Variants in NOS1AP observed in about 807,000 individuals in gnomAD.
NOS1AP encodes the protein nitric oxide synthase 1 adaptor protein, also known as carboxyl-terminal PDZ ligand of neuronal nitric oxide synthase protein.
NOS1AP carries 21 observed loss-of-function variants against 56.2 expected under a neutral mutation model. The ratio of observed to expected loss-of-function variants is 0.37; its 90% confidence interval spans 0.26 to 0.54. NOS1AP has a LOEUF of 0.54. NOS1AP is among the 20% of genes least tolerant of loss of function. The pLI, the probability that NOS1AP is intolerant of heterozygous loss-of-function variation, is 0.84. For synonymous variants in NOS1AP, 270 were observed against 274.6 expected, an observed-to-expected ratio of 0.98 and a Z score of 0.17; for missense variants, 522 against 657.8, an observed-to-expected ratio of 0.79 and a Z score of 2.26.
intron 1 of NOS1AP, among the ~76,000 whole-genome samples, chr1:162,132,473 GA>G (rs1310392997): frequency 6.6e-6 from 1 of 152,096 alleles, no homozygotes; most frequent in Non-Finnish European, 1.5e-5. Flanking sequence ...ATAAAGTCAA[GA>G]AAAAAATACA....
At chr1:162,198,777 G>T (rs1023383436) in intron 2 of NOS1AP, among the ~76,000 whole-genome samples, 45 of 152,112 alleles carry the variant, frequency 3.0e-4, no homozygotes, top group Non-Finnish European at 7.4e-5. Flanking sequence ...GAATCAAACG[G>T]CAGACCAGGC....
chr1:162,306,675 A>C (rs946490650), intron 4 of NOS1AP, among the ~76,000 whole-genome samples: 1 of 152,194 alleles, frequency 6.6e-6, no homozygotes, highest in Admixed American at 6.5e-5. Flanking sequence ...GGTGGCTCAC[A>C]CCTATAATCT....
intron 8 of NOS1AP, chr1:162,364,137 C>G (rs1657988719): frequency 4.1e-6 from 4 of 985,414 alleles, no homozygotes; most frequent in African/African-American, 1.7e-5. Flanking sequence ...GAGCAAACTC[C>G]TCTTCAGAAA....
chr1:162,149,078 T>C lies in NOS1AP; in HGVS notation c.106-5327T>C, dbSNP rs141802123. On this transcript the variant is annotated intron_variant, in intron 1 of 9. Coordinates refer to ENST00000361897, the MANE Select transcript of NOS1AP (RefSeq NM_014697.3). The stretch of plus-strand genomic sequence containing the variant: ...AAAAGGATGAGTTTCCATTTTGAAA[T>C]ATATTCCTCCAATTCCCAGGCATCA... Among the ~76,000 whole-genome samples the C allele has an allele frequency of 1.9e-4, 29 of 152,298 alleles. 1 individual carries two copies. The highest frequency in any genetic ancestry group is 6.0e-4 in the African/African-American group (25 of 41,574).
At chr1:162,219,125 C>G (rs1035564861) in intron 2 of NOS1AP, among the ~76,000 whole-genome samples, 2 of 152,186 alleles carry the variant, frequency 1.3e-5, no homozygotes, top group African/African-American at 4.8e-5. Context: ...TACCAGCTCT[C>G]TCTCGCTGAG....
intron 2 of NOS1AP, among the ~76,000 whole-genome samples, chr1:162,255,214 G>C (rs1022841635): frequency 2.7e-4 from 41 of 152,098 alleles, no homozygotes; most frequent in African/African-American, 9.9e-4. Flanking sequence ...TTTATTTTGA[G>C]GTGGCTCCTA....
At chr1:162,349,435 G>A (rs575062756) in intron 6 of NOS1AP, among the ~76,000 whole-genome samples, 213 of 152,306 alleles carry the variant, frequency 1.4e-3, no homozygotes, top group Non-Finnish European at 2.5e-3. Flanking sequence ...GATGGAGAGA[G>A]AGTTGGAGCC....
chr1:162,309,934 T>A (rs1007487764), intron 4 of NOS1AP, among the ~76,000 whole-genome samples: 40 of 152,330 alleles, frequency 2.6e-4, no homozygotes, highest in African/African-American at 9.6e-4. Flanking sequence ...AGTGGAATCA[T>A]AATTATGAGA....
At chr1:162,350,543 G>C (rs1657458399) in intron 6 of NOS1AP, among the ~76,000 whole-genome samples, 1 of 152,216 alleles carries the variant, frequency 6.6e-6, no homozygotes, top group Admixed American at 6.5e-5. Context: ...GGTTTCCTGG[G>C]TGAGACCCTG....
At chr1:162,308,549 C>T (rs539263958) in intron 4 of NOS1AP, among the ~76,000 whole-genome samples, 2 of 152,118 alleles carry the variant, frequency 1.3e-5, no homozygotes, top group Non-Finnish European at 2.9e-5. Flanking sequence ...GTGTTCTGGG[C>T]ATGCATACCA....
chr1:162,163,807 A>G (rs2102114850), intron 2 of NOS1AP, among the ~76,000 whole-genome samples: 1 of 152,306 alleles, frequency 6.6e-6, no homozygotes, highest in South Asian at 2.1e-4. Flanking sequence ...ATCACACCTC[A>G]GGAGAATCTG....
At chr1:162,337,744 C>A (rs1282238672) in intron 5 of NOS1AP, among the ~76,000 whole-genome samples, 1 of 152,144 alleles carries the variant, frequency 6.6e-6, no homozygotes, top group East Asian at 1.9e-4. Context: ...TGCAGTATGT[C>A]CTGTCAATGT....
At position 162,070,628 on chromosome 1, in the gene NOS1AP, T is replaced by A. The variant is rs113872533; in HGVS notation, c.105+346T>A. 7.9e-3 allele frequency among the ~76,000 whole-genome samples: 1,207 copies of A among 152,312 alleles called. 19 individuals carry two copies. The highest frequency in any genetic ancestry group is 0.028 in the African/African-American group (1,148 of 41,560). On this transcript the variant is annotated intron_variant, in intron 1 of 9. Coordinates refer to ENST00000361897, the MANE Select transcript of NOS1AP (RefSeq NM_014697.3). ...AGCTCAGCCTGGGCACCTGGTCGTTTAGAATCGGTTTAAGGAAGCTCTGGT... is the reference window on the plus strand; with the variant it reads ...AGCTCAGCCTGGGCACCTGGTCGTTAAGAATCGGTTTAAGGAAGCTCTGGT...
chr1:162,090,150 A>ATT (rs35508839), intron 1 of NOS1AP, among the ~76,000 whole-genome samples: 167 of 150,114 alleles, frequency 1.1e-3, no homozygotes, highest in South Asian at 3.6e-3. Context: ...ATATTCCCTG[A>ATT]TTTTTTTTTT....
rs527883855 is a variant in NOS1AP, at chr1:162,220,450, T to G, written c.177+65974T>G. On this transcript the variant is annotated intron_variant, in intron 2 of 9. Coordinates refer to ENST00000361897, the MANE Select transcript of NOS1AP (RefSeq NM_014697.3). ...GTGTCCAGAGTGCGTATTGGACCCA[T>G]GCCTCCACATGGCCCAGCCAAACTC... Among the ~76,000 whole-genome samples the G allele has an allele frequency of 8.5e-5, 13 of 152,284 alleles. No homozygotes were observed. The East Asian group carries it at 2.3e-3, about 27-fold the overall frequency.
chr1:162,341,661 T>A (rs1442928869), intron 5 of NOS1AP, among the ~76,000 whole-genome samples: 1 of 152,190 alleles, frequency 6.6e-6, no homozygotes, highest in Non-Finnish European at 1.5e-5. Flanking sequence ...TACCTAAGGT[T>A]TAGTAAACTA....
In NOS1AP at chr1:162,364,532, A is replaced by G. The variant is rs1035430250; in HGVS notation, c.940-872A>G. 3.0e-6 allele frequency: 3 copies of G among 985,310 alleles called. No individual in the cohort carries two copies. In the African/African-American group the frequency reaches 5.2e-5, roughly 17 times the overall value. The allele number at this position is 985,310 out of a possible 1,614,324, so 61.0% of individuals were successfully genotyped here. Reference sequence around the variant, plus strand: ...CATAAGTATTGCTCACCAAGAACAGAGCTGTTGACACCACTGGGCCTCAAG... The same window carrying G: ...CATAAGTATTGCTCACCAAGAACAGGGCTGTTGACACCACTGGGCCTCAAG... On this transcript the variant is annotated intron_variant, in intron 8 of 9. Transcript: ENST00000361897.
At chr1:162,249,730 T>C (rs1653789852) in intron 2 of NOS1AP, among the ~76,000 whole-genome samples, 1 of 152,338 alleles carries the variant, frequency 6.6e-6, no homozygotes, top group African/African-American at 2.4e-5. Flanking sequence ...ACATGGTTCC[T>C]GCTCTAATGA....
At chr1:162,337,900 C>G (rs1656990884) in intron 5 of NOS1AP, among the ~76,000 whole-genome samples, 1 of 152,134 alleles carries the variant, frequency 6.6e-6, no homozygotes, top group Non-Finnish European at 1.5e-5. Flanking sequence ...ATTTCAGAGC[C>G]TTAGTACTGT....
Sources: allele counts gnomAD v4.1 joint callset (sites outside exome capture counted in the v4.1 genomes callset), GRCh38; gene constraint gnomAD v4.1.1; transcripts MANE v1.5; gene names NCBI Gene and HGNC (gene_info 2026-07-23, HGNC 2026-07-21).